CNR2: variants seen among roughly 807,000 people sequenced by gnomAD.
CNR2 encodes cannabinoid receptor 2, also known as cannabinoid receptor 2 (macrophage).
For missense variants in CNR2, 379 were observed against 439.9 expected (o/e 0.86, Z 1.24); for synonymous variants, 172 against 182.2 (o/e 0.94, Z 0.45).
At chr1:23,902,693 G>C (rs1455569364) in intron 1 of CNR2, 1 of 1,593,006 alleles carries the variant, frequency 6.3e-7, no homozygotes, top group Non-Finnish European at 8.5e-7. Flanking sequence ...CGTCGGCCAC[G>C]AGCTCGTTGT....
At chr1:23,897,872 C>T (rs1448740076) in intron 1 of CNR2, among the ~76,000 whole-genome samples, 1 of 152,180 alleles carries the variant, frequency 6.6e-6, no homozygotes, top group Non-Finnish European at 1.5e-5. Context: ...CAAACTGTTG[C>T]AATATGTTGT....
intron 1 of CNR2, among the ~76,000 whole-genome samples, chr1:23,911,740 TC>T (rs894671984): frequency 1.3e-5 from 2 of 152,138 alleles, no homozygotes; most frequent in Non-Finnish European, 2.9e-5. Context: ...CATTTTCCCG[TC>T]TTCACTGCCT....
intron 1 of CNR2, among the ~76,000 whole-genome samples, chr1:23,911,150 T>G: frequency 9.0e-6 from 1 of 111,684 alleles, no homozygotes; most frequent in African/African-American, 3.6e-5. Context: ...GAAGGTTAGG[T>G]CACGTGGGTG....
intron 1 of CNR2, among the ~76,000 whole-genome samples, chr1:23,908,687 A>C (rs1570725019): frequency 6.6e-6 from 1 of 151,740 alleles, no homozygotes; most frequent in Non-Finnish European, 1.5e-5. Flanking sequence ...GAAGGGAGGG[A>C]GGGCTACAGA....
chr1:23,912,583 A>G (rs548291238), intron 1 of CNR2, among the ~76,000 whole-genome samples: 1 of 152,344 alleles, frequency 6.6e-6, no homozygotes, highest in African/African-American at 2.4e-5. Context: ...GACAACAGTG[A>G]TAGCTCCTAC....
At chr1:23,886,706 C>T (rs937921700) in intron 1 of CNR2, among the ~76,000 whole-genome samples, 41 of 152,202 alleles carry the variant, frequency 2.7e-4, no homozygotes, top group African/African-American at 8.0e-4. Context: ...TCTAATCCAA[C>T]GCCATCATTT....
rs191558065 is a variant in CNR2 at position 23,883,358 on chromosome 1, C to T, written c.-45-7696G>A. Among the ~76,000 whole-genome samples, 340 of 152,344 alleles carry T rather than the reference C, an allele frequency of 2.2e-3. 2 individuals are homozygous for T. Among genetic ancestry groups the T allele is most frequent in the African/African-American group, 7.4e-3 (307 of 41,586 alleles). ...GTCCCGGGAATACGTTCTGGAGGAA[C>T]TCCTGCAGGTGCGTCCAGGGAGGCA... On this transcript the variant is annotated intron_variant, in intron 1 of 1. Transcript: ENST00000374472.
chr1:23,882,706 G>C (rs944097271), intron 1 of CNR2, among the ~76,000 whole-genome samples: 23 of 149,816 alleles, frequency 1.5e-4, no homozygotes, highest in African/African-American at 5.7e-4. Flanking sequence ...TATAATCCCA[G>C]CTACTTGGGA....
At chr1:23,907,584 G>A (rs901700324) in intron 1 of CNR2, among the ~76,000 whole-genome samples, 8 of 151,084 alleles carry the variant, frequency 5.3e-5, no homozygotes, top group Admixed American at 4.6e-4. Context: ...TCTGCCGCCC[G>A]GGTTCAAGCA....
intron 1 of CNR2, among the ~76,000 whole-genome samples, chr1:23,877,648 A>C (rs1639909832): frequency 6.6e-6 from 1 of 151,160 alleles, no homozygotes; most frequent in Non-Finnish European, 1.5e-5. Flanking sequence ...TCTCAAAAAA[A>C]ATAAAAAGAA....
At chr1:23,879,229 G>A (rs1339625319) in intron 1 of CNR2, among the ~76,000 whole-genome samples, 2 of 152,122 alleles carry the variant, frequency 1.3e-5, no homozygotes, top group East Asian at 3.8e-4. Flanking sequence ...GGGAGGCAGA[G>A]GTTGCAGTGA....
intron 1 of CNR2, among the ~76,000 whole-genome samples, 169 bp downstream of exon 1, chr1:23,913,077 G>A (rs1640612907): frequency 1.3e-5 from 1 of 79,094 alleles, no homozygotes; most frequent in South Asian, 7.1e-4. Flanking sequence ...TGAGGCAGGA[G>A]AATCGCTTGA....
intron 1 of CNR2, among the ~76,000 whole-genome samples, chr1:23,895,494 AC>A (rs1228899532): frequency 6.6e-6 from 1 of 152,046 alleles, no homozygotes; most frequent in African/African-American, 2.4e-5. Flanking sequence ...CAAAGCCAGG[AC>A]CTGAGTCCTT....
At position 23,874,307 on chromosome 1, in the gene CNR2, G is replaced by T. The variant is rs202235055; in HGVS notation, c.*228C>A. 1 of 507,702 alleles carries T rather than the reference G, an allele frequency of 2.0e-6. No homozygotes were observed. Among genetic ancestry groups the T allele is most frequent in the Non-Finnish European group, 3.6e-6 (1 of 281,568 alleles). The allele number at this position is 507,702 out of a possible 1,614,324, so 31.4% of individuals were successfully genotyped here. A position where few individuals can be genotyped will look rare whatever the true frequency, so the allele number is the denominator to read the frequency against. ...CCCTGTCCCAGGCCTTTTGTGTCTC[G>T]CCTACCTGGCTACTCCTCGTGGCCC... On this transcript the variant is annotated 3_prime_UTR_variant, in exon 2 of 2. Transcript: ENST00000374472.
At chr1:23,909,400 C>T (rs962433954) in intron 1 of CNR2, among the ~76,000 whole-genome samples, 1 of 152,110 alleles carries the variant, frequency 6.6e-6, no homozygotes, top group East Asian at 1.9e-4. Context: ...AGCTGGGGAC[C>T]GAGAGCCTTG....
At position 23,902,263 on chromosome 1, in the gene CNR2, A is replaced by G; in HGVS notation, c.-46+10983T>C. 2.1e-6 allele frequency: 3 copies of G among 1,402,824 alleles called. No individual in the cohort carries two copies. The South Asian group carries it at 3.9e-5, about 18-fold the overall frequency. 86.9% of individuals were successfully genotyped at this position (1,402,824 alleles called of 1,614,324 possible). A position where few individuals can be genotyped will look rare whatever the true frequency, so the allele number is the denominator to read the frequency against. On this transcript the variant is annotated intron_variant, in intron 1 of 1. Transcript: ENST00000374472. ...TCCAACGTCTGCCGGTCCATCTCACAGAAGCCTTGGGACCGCAGGGCCATC... is the reference window on the plus strand; with the variant it reads ...TCCAACGTCTGCCGGTCCATCTCACGGAAGCCTTGGGACCGCAGGGCCATC...
intron 1 of CNR2, among the ~76,000 whole-genome samples, chr1:23,897,354 G>A (rs772467383): frequency 2.0e-5 from 3 of 152,064 alleles, no homozygotes; most frequent in Admixed American, 6.5e-5. Flanking sequence ...ACCCTTTACC[G>A]TCTTAAAAGT....
intron 1 of CNR2, among the ~76,000 whole-genome samples, chr1:23,905,413 C>T (rs1640471711): frequency 6.6e-6 from 1 of 151,608 alleles, no homozygotes. Context: ...CTCCTGACCT[C>T]AGGTGATCCA....
chr1:23,902,341 C>G (rs1640415016), intron 1 of CNR2: 1 of 1,572,154 alleles, frequency 6.4e-7, no homozygotes, highest in Non-Finnish European at 8.7e-7. Flanking sequence ...TCGGGCTCCT[C>G]AAACAGCCGG....
Sources: allele counts gnomAD v4.1 joint callset (sites outside exome capture counted in the v4.1 genomes callset), GRCh38; gene constraint gnomAD v4.1.1; transcripts MANE v1.5; gene names NCBI Gene and HGNC (gene_info 2026-07-23, HGNC 2026-07-21).